DOCK4: variants seen among roughly 807,000 people sequenced by gnomAD.
The protein encoded by DOCK4 is dedicator of cytokinesis protein 4.
In DOCK4, 97 loss-of-function variants were observed where a neutral mutation model predicts 268.1. The observed-to-expected ratio is 0.36, with a 90% CI of 0.31 to 0.43. The LOEUF (loss-of-function observed/expected upper bound fraction) is 0.43, where lower values mean the gene tolerates loss of function less well. Ranked by LOEUF, DOCK4 falls within the 20% of genes least tolerant of loss-of-function variation. The pLI, the probability that DOCK4 is intolerant of heterozygous loss-of-function variation, is 1.00. For missense variants in DOCK4, 2,145 were observed against 2,455.7 expected, an observed-to-expected ratio of 0.87 and a Z score of 2.67; for synonymous variants, 954 against 887.2, an observed-to-expected ratio of 1.08 and a Z score of -1.34.
At chr7:112,170,035 C>A (rs1197324157) in intron 1 of DOCK4, among the ~76,000 whole-genome samples, 3 of 151,938 alleles carry the variant, frequency 2.0e-5, no homozygotes, top group African/African-American at 4.8e-5. Context: ...TCCATTCTCA[C>A]AAGCAGAGTA....
At chr7:112,007,424 T>C (rs968549561) in intron 1 of DOCK4, among the ~76,000 whole-genome samples, 2 of 152,138 alleles carry the variant, frequency 1.3e-5, no homozygotes, top group African/African-American at 4.8e-5. Context: ...TAAAAGTATC[T>C]AAGGAATAAG....
intron 4 of DOCK4, among the ~76,000 whole-genome samples, chr7:111,994,883 CT>C (rs1253005659): frequency 1.3e-5 from 2 of 152,056 alleles, no homozygotes; most frequent in Non-Finnish European, 2.9e-5. Flanking sequence ...GTTCCTCTTT[CT>C]GATTAGAGTA....
At chr7:112,044,940 G>A (rs746359824) in intron 1 of DOCK4, among the ~76,000 whole-genome samples, 1 of 152,048 alleles carries the variant, frequency 6.6e-6, no homozygotes, top group Non-Finnish European at 1.5e-5. Flanking sequence ...CTTGCTTCAT[G>A]GGGCAATGCC....
intron 35 of DOCK4, among the ~76,000 whole-genome samples, chr7:111,780,783 C>T (rs1197477895): frequency 6.6e-6 from 1 of 152,186 alleles, no homozygotes; most frequent in African/African-American, 2.4e-5. Context: ...AACCACATTG[C>T]TACTAGAAAA....
At chr7:111,798,086 G>A (rs770696359) in intron 30 of DOCK4, among the ~76,000 whole-genome samples, 9 of 152,330 alleles carry the variant, frequency 5.9e-5, no homozygotes, top group Non-Finnish European at 1.3e-4. Context: ...CAGGATCCCC[G>A]AGGTGCATCT....
At chr7:111,739,545 A>T in intron 47 of DOCK4, 68 bp from the exon 48 acceptor site, 1 of 1,338,658 alleles carries the variant, frequency 7.5e-7, no homozygotes, top group South Asian at 1.3e-5. Flanking sequence ...ACGTATTTGA[A>T]ACAAAATCAT....
intron 1 of DOCK4, among the ~76,000 whole-genome samples, chr7:112,083,855 T>G (rs114967960): frequency 0.01 from 1,537 of 152,284 alleles, 18 homozygotes; most frequent in Middle Eastern, 0.044. Flanking sequence ...ATAATCACTT[T>G]TCCCTAACCA....
chr7:111,923,418 C>T (rs1793324334), intron 12 of DOCK4, among the ~76,000 whole-genome samples: 1 of 152,184 alleles, frequency 6.6e-6, no homozygotes, highest in Non-Finnish European at 1.5e-5. Flanking sequence ...TCTGTAACTG[C>T]TGCTAAGACT....
Position 111,799,067 on chromosome 7 carries a change from A to G in DOCK4, c.3167-8462T>C, listed in dbSNP as rs146963218. Among the ~76,000 whole-genome samples, 130 of 152,352 alleles carry G rather than the reference A, an allele frequency of 8.5e-4. 2 individuals are homozygous for G. Among genetic ancestry groups the G allele is most frequent in the Admixed American group, 3.7e-3 (56 of 15,304 alleles). On this transcript the variant is annotated intron_variant, in intron 30 of 52. Transcript: ENST00000428084. ...AAGGCAAGGAAGCCTCAAGGCATCA[A>G]CATGCTTCAAACTGCTTCTAATCTA...
At chr7:112,123,171 G>T (rs73715467) in intron 1 of DOCK4, among the ~76,000 whole-genome samples, 1,977 of 152,252 alleles carry the variant, frequency 0.013, 29 homozygotes, top group African/African-American at 0.044. Flanking sequence ...CATTATCTTG[G>T]GAAAATGTCC....
chr7:112,000,823 G>T (rs1052990899), intron 2 of DOCK4, among the ~76,000 whole-genome samples: 23 of 152,168 alleles, frequency 1.5e-4, no homozygotes, highest in African/African-American at 5.6e-4. Context: ...CTTCAATTCT[G>T]GCTTTGCTTC....
At chr7:111,839,381 T>C (rs142010292) in intron 25 of DOCK4, among the ~76,000 whole-genome samples, 1 of 152,332 alleles carries the variant, frequency 6.6e-6, no homozygotes, top group African/African-American at 2.4e-5. Flanking sequence ...TTACAGCTAC[T>C]AGATTAATTT....
At chr7:111,737,602 T>TA (rs1722984846) in intron 49 of DOCK4, among the ~76,000 whole-genome samples, 1 of 152,250 alleles carries the variant, frequency 6.6e-6, no homozygotes, top group Non-Finnish European at 1.5e-5. Context: ...CTACAATTTT[T>TA]AACTTATAAA....
chr7:112,145,579 T>C (rs757724713), intron 1 of DOCK4, among the ~76,000 whole-genome samples: 2 of 152,314 alleles, frequency 1.3e-5, no homozygotes, highest in South Asian at 2.1e-4. Flanking sequence ...GACATACCAT[T>C]TCTTGTGTAA....
At chr7:112,143,188 C>T (rs1458883604) in intron 1 of DOCK4, among the ~76,000 whole-genome samples, 2 of 151,958 alleles carry the variant, frequency 1.3e-5, no homozygotes, top group East Asian at 3.9e-4. Flanking sequence ...CTCTGGGCCA[C>T]TCCAAGCAAT....
intron 23 of DOCK4, among the ~76,000 whole-genome samples, chr7:111,854,869 A>T (rs1373166859): frequency 6.6e-6 from 1 of 152,226 alleles, no homozygotes; most frequent in African/African-American, 2.4e-5. Flanking sequence ...GGAGGAGGGA[A>T]ACAGACGTTA....
At chr7:111,943,125 T>G (rs1795338079) in intron 10 of DOCK4, among the ~76,000 whole-genome samples, 1 of 152,220 alleles carries the variant, frequency 6.6e-6, no homozygotes, top group African/African-American at 2.4e-5. Flanking sequence ...GTAAATGTTT[T>G]TTGCAATAAT....
intron 1 of DOCK4, among the ~76,000 whole-genome samples, chr7:112,042,726 T>A (rs1586704960): frequency 6.6e-6 from 1 of 152,290 alleles, no homozygotes; most frequent in East Asian, 1.9e-4. Flanking sequence ...TGTCGGGCAG[T>A]GCTATGGTTT....
intron 12 of DOCK4, among the ~76,000 whole-genome samples, chr7:111,925,913 C>T (rs535943537): frequency 1.3e-5 from 2 of 150,258 alleles, no homozygotes; most frequent in South Asian, 4.2e-4. Context: ...TGGTAAAACC[C>T]CATCTCTACT....
Sources: allele counts gnomAD v4.1 joint callset (sites outside exome capture counted in the v4.1 genomes callset), GRCh38; gene constraint gnomAD v4.1.1; transcripts MANE v1.5; gene names NCBI Gene and HGNC (gene_info 2026-07-23, HGNC 2026-07-21).